NCOR1: variants seen among roughly 807,000 people sequenced by gnomAD.
The protein encoded by NCOR1 is protein phosphatase 1, regulatory subunit 109.
A neutral mutation model predicts 288.1 loss-of-function variants in NCOR1; 63 were observed. The ratio of observed to expected loss-of-function variants is 0.22; its 90% CI spans 0.18 to 0.27. The LOEUF (loss-of-function observed/expected upper bound fraction) is 0.27, where lower values mean the gene tolerates loss of function less well. Ranked by LOEUF, NCOR1 falls within the 10% of genes least tolerant of loss-of-function variation. The pLI is 1.00. For synonymous variants in NCOR1, 1,007 were observed against 1,065.9 expected, an observed-to-expected ratio of 0.94 and a Z score of 1.08; for missense variants, 2,397 against 3,019.2, an observed-to-expected ratio of 0.79 and a Z score of 4.83.
At chr17:16,132,897 C>A (rs2075859153) in intron 14 of NCOR1, among the ~76,000 whole-genome samples, 1 of 150,838 alleles carries the variant, frequency 6.6e-6, no homozygotes, top group Admixed American at 6.6e-5. Flanking sequence ...CCTTTCCCTC[C>A]TTCCTTCCCT....
At chr17:16,137,206 C>A in intron 14 of NCOR1, 105 bp downstream of exon 14, 1 of 577,790 alleles carries the variant, frequency 1.7e-6, no homozygotes, top group Non-Finnish European at 3.0e-6. Context: ...ACAGAAACAT[C>A]AATGTTTAAA....
chr17:16,137,809 G>A (rs894117729), intron 13 of NCOR1: 12 of 241,430 alleles, frequency 5.0e-5, no homozygotes, highest in African/African-American at 1.8e-4. Context: ...TCATCCTTGC[G>A]CAGAGGCCAT....
At chr17:16,120,029 A>G (rs1459032904) in intron 16 of NCOR1, among the ~76,000 whole-genome samples, 2 of 152,206 alleles carry the variant, frequency 1.3e-5, no homozygotes, top group South Asian at 2.1e-4. Flanking sequence ...ATCAGGCCTG[A>G]TATGAGCTCC....
chr17:16,084,965 T>C (rs779553298), intron 23 of NCOR1, among the ~76,000 whole-genome samples: 2 of 152,132 alleles, frequency 1.3e-5, no homozygotes, highest in Admixed American at 6.5e-5. Context: ...TTAGACTATA[T>C]AAAAATTTGA....
chr17:16,116,975 C>G (rs1199585987), intron 18 of NCOR1, among the ~76,000 whole-genome samples: 1 of 152,010 alleles, frequency 6.6e-6, no homozygotes, highest in Non-Finnish European at 1.5e-5. Flanking sequence ...ATGTCATATA[C>G]TGAAAAAAAG....
At position 16,068,049 on chromosome 17, in the gene NCOR1, A is replaced by T; in HGVS notation, c.4586T>A (p.Ile1529Asn). Reference protein sequence around the residue: ...STLTPTQRESIPAKSPVPGVD... With the variant: ...STLTPTQRESNPAKSPVPGVD... ...CCCAGGCACTGGAGACTTCGCTGGG[A>T]TACTTTCCCTCTGGGTAGGGGTCAG... Residue 1529 changes from isoleucine to asparagine, a missense_variant, in exon 32 of 46, where the codon ATC (isoleucine) becomes AAC (asparagine). Physicochemically the swap from Ile to Asn is moderately radical, Grantham distance 149 (BLOSUM62 -3). Coordinates refer to ENST00000268712, the MANE Select transcript of NCOR1 (RefSeq NM_006311.4). 1 of 1,614,152 alleles carries T rather than the reference A, an allele frequency of 6.2e-7. No homozygotes were observed. The highest frequency in any genetic ancestry group is 8.5e-7 in the Non-Finnish European group (1 of 1,180,022).
Position 16,032,018 on chromosome 17 carries a change from C to T in NCOR1, c.*278G>A, listed in dbSNP as rs1972097441. On this transcript the variant is annotated 3_prime_UTR_variant, in exon 46 of 46. Coordinates refer to ENST00000268712, the MANE Select transcript of NCOR1 (RefSeq NM_006311.4). ...ATGGTTTTCTTTACAGATGTAAGAACAGCAACTGTTCACTTTTTAAAAACT... is the reference window on the plus strand; with the variant it reads ...ATGGTTTTCTTTACAGATGTAAGAATAGCAACTGTTCACTTTTTAAAAACT... 1 of 404,252 alleles carries T rather than the reference C, an allele frequency of 2.5e-6. No individual in the cohort carries two copies. The highest frequency in any genetic ancestry group is 4.4e-6 in the Non-Finnish European group (1 of 227,150). 25.0% of individuals were successfully genotyped at this position (404,252 alleles called of 1,614,324 possible). A position where few individuals can be genotyped will look rare whatever the true frequency, so the allele number is the denominator to read the frequency against.
At chr17:16,145,504 G>A (rs1439105876) in intron 10 of NCOR1, among the ~76,000 whole-genome samples, 2 of 145,842 alleles carry the variant, frequency 1.4e-5, no homozygotes, top group South Asian at 2.2e-4. Context: ...GCCTCTGCCC[G>A]GCCACGACCC....
intron 2 of NCOR1, among the ~76,000 whole-genome samples, chr17:16,189,784 A>G (rs949137429): frequency 2.0e-5 from 3 of 152,350 alleles, no homozygotes; most frequent in South Asian, 2.1e-4. Flanking sequence ...AAACTTTATT[A>G]TAAGTTTGAT....
At chr17:16,187,106 G>T (rs1385997035) in intron 2 of NCOR1, among the ~76,000 whole-genome samples, 1 of 151,868 alleles carries the variant, frequency 6.6e-6, no homozygotes, top group East Asian at 1.9e-4. Flanking sequence ...GAAGTACAGA[G>T]AATCAACCTG....
intron 42 of NCOR1, among the ~76,000 whole-genome samples, chr17:16,045,831 T>C (rs534245106): frequency 1.1e-4 from 16 of 152,006 alleles, no homozygotes; most frequent in Admixed American, 6.5e-4. Flanking sequence ...TTTTTTTTTT[T>C]CTTGAGACAT....
In NCOR1 at chr17:16,030,231, G is replaced by A. The variant is rs1971806925; in HGVS notation, c.*2065C>T. 2 of 228,622 alleles carry A rather than the reference G, an allele frequency of 8.7e-6. No individual in the cohort carries two copies. Among genetic ancestry groups the A allele is most frequent in the Non-Finnish European group, 8.6e-6 (1 of 116,454 alleles). 14.2% of individuals were successfully genotyped at this position (228,622 alleles called of 1,614,324 possible). Reference sequence around the variant, plus strand: ...TTAAGTGGAAGTGGATCATCATGAAGGTCTTCATCCTTGTCATCTTCATGT... The same window carrying A: ...TTAAGTGGAAGTGGATCATCATGAAAGTCTTCATCCTTGTCATCTTCATGT... On this transcript the variant is annotated 3_prime_UTR_variant, in exon 46 of 46. Coordinates refer to ENST00000268712, the MANE Select transcript of NCOR1 (RefSeq NM_006311.4).
intron 1 of NCOR1, among the ~76,000 whole-genome samples, chr17:16,214,981 A>C (rs748257382): frequency 1.8e-4 from 27 of 152,196 alleles, no homozygotes; most frequent in Non-Finnish European, 3.7e-4. Flanking sequence ...ACTCCGCCTC[A>C]GTGAGCCCAG....
intron 37 of NCOR1, among the ~76,000 whole-genome samples, chr17:16,059,049 CAAAAAAAAAAAAA>C (rs57820388): frequency 1.1e-3 from 19 of 17,458 alleles, no homozygotes; most frequent in Middle Eastern, 0.045. Context: ...AACTCCGTCT[CAAAAAAAAAAAAA>C]AAAAAAAAAA....
intron 3 of NCOR1, among the ~76,000 whole-genome samples, chr17:16,177,892 C>CT (rs953893228): frequency 1.1e-4 from 17 of 152,150 alleles, no homozygotes; most frequent in African/African-American, 2.2e-4. Context: ...TTCGATACTG[C>CT]TTTTTTTTAA....
chr17:16,118,716 C>T (rs1373928033), intron 17 of NCOR1, among the ~76,000 whole-genome samples: 4 of 152,162 alleles, frequency 2.6e-5, no homozygotes, highest in African/African-American at 7.2e-5. Flanking sequence ...AATAATTTAT[C>T]TTTACAACTG....
intron 18 of NCOR1, among the ~76,000 whole-genome samples, chr17:16,114,140 A>C (rs9905970): frequency 7.3e-6 from 1 of 136,224 alleles, no homozygotes; most frequent in Admixed American, 7.8e-5. Flanking sequence ...TGATGGCGGC[A>C]GGCAAAAAAA....
chr17:16,179,330 ATAT>A (rs1216407543), intron 3 of NCOR1, among the ~76,000 whole-genome samples: 5 of 152,318 alleles, frequency 3.3e-5, no homozygotes, highest in Middle Eastern at 3.4e-3. Context: ...ATAAGGAACT[ATAT>A]GAACCATTAT....
At chr17:16,067,253 G>C (rs988648114) in intron 32 of NCOR1, among the ~76,000 whole-genome samples, 1 of 152,226 alleles carries the variant, frequency 6.6e-6, no homozygotes, top group Admixed American at 6.5e-5. Flanking sequence ...AGCTGTACTT[G>C]TTACTAGAAT....
Sources: gnomAD v4.1 joint callset for allele counts (sites outside exome capture counted in the v4.1 genomes callset) on GRCh38, gnomAD v4.1.1 for gene constraint, MANE v1.5 for transcripts, NCBI Gene and HGNC (gene_info 2026-07-23, HGNC 2026-07-21) for gene names.